The following RAG1 variants were observed in gnomAD, a reference collection of about 807,000 sequenced individuals.
RAG1 encodes V(D)J recombination-activating protein 1.
In RAG1, 35 loss-of-function variants were observed where a neutral mutation model predicts 62.7. The observed-to-expected ratio is 0.56, with a 90% confidence interval of 0.43 to 0.74. The LOEUF is 0.74. Among genes scored for constraint, RAG1 ranks in the 30% least tolerant of loss-of-function variants. The pLI is 0.00. For missense variants in RAG1, 1,169 were observed against 1,278.6 expected (o/e 0.91, Z 1.31); for synonymous variants, 461 against 470.3 (o/e 0.98, Z 0.26).
intron 1 of RAG1, among the ~76,000 whole-genome samples, chr11:36,570,577 G>T (rs1850725257): frequency 6.6e-6 from 1 of 152,188 alleles, no homozygotes; most frequent in Non-Finnish European, 1.5e-5. Context: ...TCTATCTTTA[G>T]TTTTTTTGAG....
chr11:36,540,877 T>C (rs1207343438), downstream of RAG1, among the ~76,000 whole-genome samples: 2 of 152,230 alleles, frequency 1.3e-5, no homozygotes, highest in African/African-American at 4.8e-5. Flanking sequence ...CAACAGTTCA[T>C]TGGTTTAAAT....
At position 36,576,564 on chromosome 11, in the gene RAG1, AAGATGCTAC is replaced by A. The variant is rs1850856171; in HGVS notation, c.*136_*144del. ...CATCCAAGAGGTGGTAGGTTGGAGT[AAGATGCTAC>A]AGATGCTCTCAAGTCAGGAATAGAA... On this transcript the variant is annotated 3_prime_UTR_variant, in exon 2 of 2. Coordinates refer to ENST00000299440, the MANE Select transcript of RAG1 (RefSeq NM_000448.3). 1 of 1,117,456 alleles carries A rather than the reference AAGATGCTAC, an allele frequency of 8.9e-7. No individual in the cohort carries two copies. Among genetic ancestry groups the A allele is most frequent in the East Asian group, 2.4e-5 (1 of 40,840 alleles). The allele number at this position is 1,117,456 out of a possible 1,614,324, so 69.2% of individuals were successfully genotyped here.
intron 3 of RAG1, among the ~76,000 whole-genome samples, chr11:36,542,788 T>C (rs187793258): frequency 6.6e-6 from 1 of 152,348 alleles, no homozygotes; most frequent in Admixed American, 6.5e-5. Context: ...CGATAAACCA[T>C]GTTTTGAATT....
At chr11:36,529,178 A>C (rs1860212942) in intron 2 of RAG1, among the ~76,000 whole-genome samples, 1 of 152,174 alleles carries the variant, frequency 6.6e-6, no homozygotes, top group African/African-American at 2.4e-5. Context: ...AACCTGGCAG[A>C]GACACAATAA....
chr11:36,534,307 C>T (rs984857468), intron 2 of RAG1, among the ~76,000 whole-genome samples: 1 of 152,122 alleles, frequency 6.6e-6, no homozygotes, highest in South Asian at 2.1e-4. Flanking sequence ...AAAGTACGCT[C>T]TAGTGGAGAA....
At chr11:36,569,607 G>A (rs1006813674) in intron 1 of RAG1, among the ~76,000 whole-genome samples, 16 of 152,296 alleles carry the variant, frequency 1.1e-4, no homozygotes, top group Non-Finnish European at 8.8e-5. Context: ...AGAAAATATG[G>A]AAAAGTGACT....
chr11:36,523,439 G>A (rs1457954126), intron 2 of RAG1, among the ~76,000 whole-genome samples: 1 of 152,140 alleles, frequency 6.6e-6, no homozygotes, highest in African/African-American at 2.4e-5. Flanking sequence ...CCAGCCATGT[G>A]GAACTGTAAG....
chr11:36,520,484 G>A (rs1860061825), intron 2 of RAG1, among the ~76,000 whole-genome samples: 1 of 152,096 alleles, frequency 6.6e-6, no homozygotes, highest in African/African-American at 2.4e-5. Flanking sequence ...CCCCATGTTG[G>A]CCAGCTGGTC....
At chr11:36,527,029 A>G (rs1282064580) in intron 2 of RAG1, among the ~76,000 whole-genome samples, 1 of 152,178 alleles carries the variant, frequency 6.6e-6, no homozygotes, top group Non-Finnish European at 1.5e-5. Flanking sequence ...CCTATTCTGT[A>G]GGTTGCCTGT....
chr11:36,541,887 A>G (rs954928125), intron 3 of RAG1, among the ~76,000 whole-genome samples: 1 of 152,134 alleles, frequency 6.6e-6, no homozygotes. Context: ...GACCCTAAAA[A>G]AAAACCACCT....
At chr11:36,546,708 C>T (rs953128747) in intron 3 of RAG1, among the ~76,000 whole-genome samples, 159 of 152,104 alleles carry the variant, frequency 1.0e-3, no homozygotes, top group African/African-American at 3.8e-3. Flanking sequence ...TTTGCAGTGG[C>T]TGGTACTGGT....
rs192125820 is a variant in RAG1 at position 36,561,906 on chromosome 11, C to T, written c.-411-1479C>T. On this transcript the variant is annotated intron_variant and NMD_transcript_variant, in intron 3 of 9. Transcript: ENST00000534663. ...AAGACCCCTGACTATACAGCAGTGTCTAATGTGTCTAAGGTAATATTTTAA... is the reference window on the plus strand; with the variant it reads ...AAGACCCCTGACTATACAGCAGTGTTTAATGTGTCTAAGGTAATATTTTAA... Among the ~76,000 whole-genome samples the T allele has an allele frequency of 3.3e-5, 5 of 152,226 alleles. No homozygotes were observed. In the East Asian group the frequency reaches 9.7e-4, roughly 29 times the overall value.
At chr11:36,524,280 T>A (rs34045077) in intron 2 of RAG1, among the ~76,000 whole-genome samples, 7,296 of 151,056 alleles carry the variant, frequency 0.048, 264 homozygotes, top group Non-Finnish European at 0.07. Flanking sequence ...ACATGGCACA[T>A]GTATATATAT....
chr11:36,575,060 C>G lies in RAG1; in HGVS notation c.1756C>G (p.Leu586Val). The G allele has an allele frequency of 6.2e-7, 1 of 1,614,106 alleles. No homozygotes were observed. The highest frequency in any genetic ancestry group is 8.5e-7 in the Non-Finnish European group (1 of 1,180,016). The change falls in exon 2 of 2, where the codon CTT becomes GTT. Residue 586 changes from leucine (L) to valine (V), a missense_variant. Physicochemically the swap from Leu to Val is conservative, Grantham distance 32. This residue lies in a region of RAG1 where 800 missense variants were observed against 943.3 expected (regional missense o/e 0.85). Coordinates refer to ENST00000299440, the MANE Select transcript of RAG1 (RefSeq NM_000448.3). The surrounding 1 kb of genome is among the most constrained non-coding windows in gnomAD (Gnocchi z 4.1). ...CTTGGAAGGCATGAGATCCCAAGAC[C>G]TTGATGATTACCTGAATGGCCCCTT... is the stretch of plus-strand genomic sequence containing the variant. ...DILEGMRSQD[L>V]DDYLNGPFTV...
In RAG1 at chr11:36,573,694, T is replaced by C. The variant is rs1438467676; in HGVS notation, c.390T>C (p.His130=). 1 of 1,614,124 alleles carries C rather than the reference T, an allele frequency of 6.2e-7. No homozygotes were observed. The highest frequency in any genetic ancestry group is 8.5e-7 in the Non-Finnish European group (1 of 1,180,022). ...AGCACAACAGGAGATATCCAGTCCA[T>C]GGTCCTGTGGATGGTAAAACCCTAG... ...ADEHNRRYPV[H]GPVDGKTLGL... is the part of the protein sequence containing the mutation. The change falls in exon 2 of 2, where the codon CAT becomes CAC. Residue 130 remains histidine, a synonymous_variant. Transcript: ENST00000299440.
At chr11:36,543,764 C>A (rs1850349784) in intron 3 of RAG1, among the ~76,000 whole-genome samples, 1 of 152,172 alleles carries the variant, frequency 6.6e-6, no homozygotes, top group Admixed American at 6.5e-5. Flanking sequence ...GCAAATCAAC[C>A]TTTTTGGGGG....
chr11:36,518,693 G>A (rs566209923), intron 1 of RAG1, among the ~76,000 whole-genome samples: 1 of 152,210 alleles, frequency 6.6e-6, no homozygotes, highest in African/African-American at 2.4e-5. Flanking sequence ...GGGTTATTTG[G>A]TTTTTTTCTT....
chr11:36,557,681 A>C (rs1189922818), intron 3 of RAG1, among the ~76,000 whole-genome samples: 1 of 151,196 alleles, frequency 6.6e-6, no homozygotes, highest in Non-Finnish European at 1.5e-5. Flanking sequence ...TCACATTCTG[A>C]GGTACTGGTG....
chr11:36,575,732 A>C lies in RAG1; in HGVS notation c.2428A>C (p.Ile810Leu). 2 of 1,614,220 alleles carry C rather than the reference A, an allele frequency of 1.2e-6. No individual in the cohort carries two copies. The highest frequency in any genetic ancestry group is 1.7e-6 in the Non-Finnish European group (2 of 1,180,040). ...DIGNAAEFYK[I>L]FQLEIGEVYK... ...TGGCAATGCAGCTGAGTTCTACAAG[A>C]TCTTCCAGCTAGAGATAGGGGAAGT... The change falls in exon 2 of 2, where the codon ATC (isoleucine) becomes CTC (leucine). Residue 810 changes from isoleucine to leucine, a missense_variant. Ile to Leu is a conservative substitution (Grantham distance 5). Around this residue, in one of 2 missense-constraint regions of RAG1, gnomAD observed 800 missense variants for 943.3 expected, o/e 0.85. Coordinates refer to ENST00000299440, the MANE Select transcript of RAG1 (RefSeq NM_000448.3). The surrounding 1 kb of genome is among the most constrained non-coding windows in gnomAD (Gnocchi z 4.1).
Sources: allele counts gnomAD v4.1 joint callset (sites outside exome capture counted in the v4.1 genomes callset), GRCh38; gene constraint gnomAD v4.1.1; regional missense constraint gnomAD v4.1.1; non-coding constraint Gnocchi (gnomAD v3.1); transcripts MANE v1.5; gene names NCBI Gene and HGNC (gene_info 2026-07-23, HGNC 2026-07-21).